Variants in LYPD6 observed in about 807,000 individuals in gnomAD.
LYPD6 encodes the protein LY6/PLAUR domain containing 6, also known as ly6/PLAUR domain-containing protein 6.
Under a neutral mutation model 22.7 loss-of-function variants are expected in LYPD6, and 15 were observed. The ratio of observed to expected loss-of-function variants is 0.66; its 90% confidence interval spans 0.44 to 1.02. LYPD6 has a LOEUF of 1.02. Ranked by LOEUF, LYPD6 falls within the 50% of genes least tolerant of loss-of-function variation. The pLI is 0.00. For synonymous variants in LYPD6, 72 were observed against 77.5 expected (o/e 0.93, Z 0.37); for missense variants, 189 against 208.4 (o/e 0.91, Z 0.57).
chr2:149,419,681 A>T (rs769395801), intron 1 of LYPD6, among the ~76,000 whole-genome samples: 46 of 152,320 alleles, frequency 3.0e-4, no homozygotes, highest in Non-Finnish European at 4.9e-4. Context: ...TCATGCACAG[A>T]CAAGCTGGCA....
downstream of LYPD6, chr2:149,474,211 T>G (rs1447229373): frequency 2.0e-5 from 3 of 152,176 alleles, no homozygotes; most frequent in African/African-American, 7.2e-5. Context: ...TTCGTTTTTT[T>G]GAGACAGCAG....
At chr2:149,350,460 C>T (rs941275219) in intron 1 of LYPD6, among the ~76,000 whole-genome samples, 1 of 152,190 alleles carries the variant, frequency 6.6e-6, no homozygotes, top group African/African-American at 2.4e-5. Flanking sequence ...ACAACTCCTG[C>T]AGGACTTGAC....
intron 2 of LYPD6, among the ~76,000 whole-genome samples, chr2:149,441,302 T>C (rs1683563859): frequency 6.6e-6 from 1 of 152,218 alleles, no homozygotes; most frequent in African/African-American, 2.4e-5. Flanking sequence ...ATTTCATTAA[T>C]GTTACAATGT....
chr2:149,423,652 T>C (rs1388160215), intron 1 of LYPD6, among the ~76,000 whole-genome samples: 1 of 151,834 alleles, frequency 6.6e-6, no homozygotes, highest in African/African-American at 2.4e-5. Context: ...ACTCTATGCC[T>C]CAATTCCTTC....
At chr2:149,440,511 A>G (rs1457265541) in intron 2 of LYPD6, 1 of 152,206 alleles carries the variant, frequency 6.6e-6, no homozygotes, top group Non-Finnish European at 1.5e-5. Flanking sequence ...TGAGATATGG[A>G]GAAGGATGGA....
chr2:149,447,714 C>A (rs181803328), intron 2 of LYPD6, among the ~76,000 whole-genome samples: 1 of 152,176 alleles, frequency 6.6e-6, no homozygotes, highest in African/African-American at 2.4e-5. Flanking sequence ...TGATTCAACC[C>A]AATATTTTTA....
intron 1 of LYPD6, among the ~76,000 whole-genome samples, chr2:149,345,889 T>G (rs1227820084): frequency 1.3e-5 from 2 of 152,194 alleles, no homozygotes; most frequent in Non-Finnish European, 2.9e-5. Flanking sequence ...CCTCCTTGAG[T>G]TGCCTTAGTG....
At chr2:149,461,905 T>C (rs1384231610) in intron 3 of LYPD6, among the ~76,000 whole-genome samples, 1 of 152,006 alleles carries the variant, frequency 6.6e-6, no homozygotes, top group African/African-American at 2.4e-5. Context: ...TTCTTCAACT[T>C]GATAACATCG....
intron 1 of LYPD6, among the ~76,000 whole-genome samples, chr2:149,387,233 C>T (rs6711532): frequency 0.026 from 4,010 of 152,158 alleles, 169 homozygotes; most frequent in African/African-American, 0.091. Flanking sequence ...ATGAATAGAG[C>T]CAAGGGGAGA....
chr2:149,445,686 A>G (rs1264033958), intron 2 of LYPD6, among the ~76,000 whole-genome samples: 3 of 152,206 alleles, frequency 2.0e-5, no homozygotes, highest in Non-Finnish European at 4.4e-5. Flanking sequence ...TATAGAACTA[A>G]TAAGAGTTAG....
intron 1 of LYPD6, among the ~76,000 whole-genome samples, chr2:149,399,740 A>C (rs1209011853): frequency 6.6e-6 from 1 of 151,294 alleles, no homozygotes; most frequent in African/African-American, 2.4e-5. Flanking sequence ...AAATAAAAAT[A>C]AGTACATAAT....
At chr2:149,452,593 C>T (rs1680859005) in intron 3 of LYPD6, among the ~76,000 whole-genome samples, 1 of 152,022 alleles carries the variant, frequency 6.6e-6, no homozygotes, top group South Asian at 2.1e-4. Flanking sequence ...TAAATTATCA[C>T]CTGATGTGAA....
At chr2:149,340,340 GATAAT>G (rs1681136527) in intron 1 of LYPD6, among the ~76,000 whole-genome samples, 1 of 152,078 alleles carries the variant, frequency 6.6e-6, no homozygotes, top group African/African-American at 2.4e-5. Flanking sequence ...CAGAACTTTA[GATAAT>G]ATAATCATTT....
rs528928931 is a variant in LYPD6 at position 149,338,484 on chromosome 2, G to A, written c.-72+7762G>A. ...CCAATGTAATAGTATCAAAAGGTGG[G>A]GCCTTTTGGACAGAGCCCTCATGAG... On this transcript the variant is annotated intron_variant, in intron 1 of 4. Coordinates refer to ENST00000334166, the MANE Select transcript of LYPD6 (RefSeq NM_194317.5). 4.6e-5 allele frequency among the ~76,000 whole-genome samples: 7 copies of A among 152,218 alleles called. No homozygotes were observed. The South Asian group carries it at 1.2e-3, about 27-fold the overall frequency.
At chr2:149,437,006 C>G (rs1683446843) in intron 1 of LYPD6, among the ~76,000 whole-genome samples, 1 of 152,318 alleles carries the variant, frequency 6.6e-6, no homozygotes, top group East Asian at 1.9e-4. Flanking sequence ...TTGCTGAACC[C>G]CAGTTTACCC....
At chr2:149,353,323 A>G (rs1486557312) in intron 1 of LYPD6, among the ~76,000 whole-genome samples, 2 of 152,242 alleles carry the variant, frequency 1.3e-5, no homozygotes, top group African/African-American at 4.8e-5. Context: ...TGATGGTTCC[A>G]AAACGAAAAC....
chr2:149,433,106 A>G lies in LYPD6; in HGVS notation c.-71-4532A>G, dbSNP rs1683353765. Among the ~76,000 whole-genome samples the G allele has an allele frequency of 2.0e-5, 3 of 151,976 alleles. No individual in the cohort carries two copies. The South Asian group carries it at 6.2e-4, about 31-fold the overall frequency. On this transcript the variant is annotated intron_variant, in intron 1 of 4. Coordinates refer to ENST00000334166, the MANE Select transcript of LYPD6 (RefSeq NM_194317.5). ...AGAAAAGACATACTCTTTTTTTTCCAAAGAAGAAATGATTTCACAAGTAAA... is the reference window on the plus strand; with the variant it reads ...AGAAAAGACATACTCTTTTTTTTCCGAAGAAGAAATGATTTCACAAGTAAA...
At chr2:149,455,468 C>G (rs573623389) in intron 3 of LYPD6, among the ~76,000 whole-genome samples, 1 of 152,156 alleles carries the variant, frequency 6.6e-6, no homozygotes. Flanking sequence ...CCATGTTAGC[C>G]AGGATGGTCT....
At chr2:149,401,876 C>T (rs1682563581) in intron 1 of LYPD6, among the ~76,000 whole-genome samples, 1 of 152,034 alleles carries the variant, frequency 6.6e-6, no homozygotes, top group Non-Finnish European at 1.5e-5. Context: ...CACCCCTTCC[C>T]CCGAATCCCC....
Sources: gnomAD v4.1 joint callset for allele counts (sites outside exome capture counted in the v4.1 genomes callset) on GRCh38, gnomAD v4.1.1 for gene constraint, MANE v1.5 for transcripts, NCBI Gene and HGNC (gene_info 2026-07-23, HGNC 2026-07-21) for gene names.